Variants in REPS2 observed in about 807,000 individuals in gnomAD.
REPS2 encodes the protein RALBP1 associated Eps domain containing 2, also known as ralBP1-associated Eps domain-containing protein 2.
In REPS2, 23 loss-of-function variants were observed where a neutral mutation model predicts 53.6. The observed-to-expected ratio is 0.43, with a 90% CI of 0.31 to 0.61. REPS2 has a LOEUF of 0.61. REPS2 is among the 20% of genes least tolerant of loss of function. REPS2 has a pLI of 0.11. For missense variants in REPS2, 446 were observed against 534.9 expected, an observed-to-expected ratio of 0.83 and a Z score of 1.64; for synonymous variants, 238 against 218.6, an observed-to-expected ratio of 1.09 and a Z score of -0.78.
chrX:16,992,884 CTCTG>C (rs2061180678), intron 1 of REPS2, among the ~76,000 whole-genome samples: 1 of 112,035 alleles, frequency 8.9e-6, no homozygotes, highest in Non-Finnish European at 1.9e-5. Context: ...TTAACTAGTC[CTCTG>C]TCTGAAGTGA....
chrX:17,091,533 ACT>A (rs1009813365), intron 13 of REPS2, among the ~76,000 whole-genome samples: 7 of 111,554 alleles, frequency 6.3e-5, no homozygotes, highest in African/African-American at 1.6e-4. Context: ...ACTTTTCTAA[ACT>A]CTGTCGTTAA....
chrX:17,067,824 A>G (rs916353592), intron 9 of REPS2, among the ~76,000 whole-genome samples: 1 of 111,931 alleles, frequency 8.9e-6, no homozygotes, highest in African/African-American at 3.3e-5. Context: ...CAGAGTTGCT[A>G]TGCAATTCTG....
At chrX:17,156,422 A>G (rs1474495253), downstream of REPS2, among the ~76,000 whole-genome samples, 1 of 109,374 alleles carries the variant, frequency 9.1e-6, no homozygotes, top group Non-Finnish European at 1.9e-5. Flanking sequence ...ATATATATAT[A>G]TATGTATTTT....
At chrX:17,165,508 T>A in the REPS2 span, among the ~76,000 whole-genome samples, 4 of 111,548 alleles carry the variant, frequency 3.6e-5, no homozygotes, top group Non-Finnish European at 7.5e-5. Flanking sequence ...CAGAATTCTG[T>A]TTTAAGGGCT....
At chrX:17,096,659 CAAAAA>C (rs1181603042) in intron 13 of REPS2, among the ~76,000 whole-genome samples, 275 of 17,321 alleles carry the variant, frequency 0.016, 1 homozygote, top group South Asian at 0.098. Context: ...GACTCCGTCT[CAAAAA>C]AAAAAAAAAA....
intron 16 of REPS2, chrX:17,136,013 C>T (rs1447316255): frequency 3.6e-5 from 4 of 112,319 alleles, no homozygotes; most frequent in Non-Finnish European, 5.6e-5. Context: ...GACAAACTAT[C>T]CTTCTCTGTA....
chrX:16,974,745 A>G (rs1239500799), intron 1 of REPS2, among the ~76,000 whole-genome samples: 1 of 111,377 alleles, frequency 9.0e-6, no homozygotes, highest in African/African-American at 3.3e-5. Flanking sequence ...GTTCAGGGGT[A>G]CATGTGCTGA....
chrX:17,190,820 T>C, the REPS2 span, among the ~76,000 whole-genome samples: 1 of 112,246 alleles, frequency 8.9e-6, no homozygotes, highest in Non-Finnish European at 1.9e-5. Flanking sequence ...CCTACTCAAA[T>C]ACAGTCCATT....
chrX:17,184,692 T>G, the REPS2 span, among the ~76,000 whole-genome samples: 71 of 111,767 alleles, frequency 6.4e-4, no homozygotes, highest in Middle Eastern at 4.6e-3. Flanking sequence ...CAGCACCTGT[T>G]GTTTCCTGAC....
intron 16 of REPS2, chrX:17,137,701 G>A (rs888794466): frequency 4.5e-5 from 5 of 111,659 alleles, no homozygotes; most frequent in African/African-American, 1.6e-4. Context: ...GAATTCCTGG[G>A]CTCAAGTGAT....
At chrX:17,047,558 G>T in intron 6 of REPS2, 76 bp downstream of exon 6, 1 of 1,080,297 alleles carries the variant, frequency 9.3e-7, no homozygotes, top group South Asian at 2.0e-5. Flanking sequence ...CACGCAAAAT[G>T]AGTATGGCAG....
intron 1 of REPS2, among the ~76,000 whole-genome samples, chrX:16,955,212 C>A (rs1341088227): frequency 1.8e-5 from 2 of 110,959 alleles, no homozygotes; most frequent in African/African-American, 6.6e-5. Flanking sequence ...GTATTGATGG[C>A]ATTCTATTAT....
At chrX:17,182,363 C>A in the REPS2 span, among the ~76,000 whole-genome samples, 1 of 111,379 alleles carries the variant, frequency 9.0e-6, no homozygotes, top group African/African-American at 3.3e-5. Flanking sequence ...GAAATTTGAC[C>A]GAATAAGGTT....
intron 1 of REPS2, among the ~76,000 whole-genome samples, chrX:16,967,757 G>A (rs1049510627): frequency 9.1e-6 from 1 of 109,452 alleles, no homozygotes; most frequent in Non-Finnish European, 1.9e-5. Context: ...TCCACTAAAC[G>A]TTTCTCTTGT....
chrX:17,025,117 A>G lies in REPS2; in HGVS notation c.605A>G (p.His202Arg). 8.3e-7 allele frequency: 1 copy of G among 1,211,459 alleles called. No individual in the cohort carries two copies. The highest frequency in any genetic ancestry group is 1.1e-6 in the Non-Finnish European group (1 of 895,403). Reference sequence around the variant, plus strand: ...GCCTCCCCTCCTTCTTCCCCGCCTCATTACCAGAGGGTGCCCTTGAGCCAT... The same window carrying G: ...GCCTCCCCTCCTTCTTCCCCGCCTCGTTACCAGAGGGTGCCCTTGAGCCAT... ...PLASPPSSPP[H>R]YQRVPLSHGY... The change falls in exon 4 of 18, where the codon CAT becomes CGT. Residue 202 changes from histidine (H) to arginine (R), a missense_variant. Physicochemically the swap from His to Arg is conservative, Grantham distance 29. Coordinates refer to ENST00000357277, the MANE Select transcript of REPS2 (RefSeq NM_004726.3).
At chrX:17,190,414 C>T in the REPS2 span, among the ~76,000 whole-genome samples, 3 of 112,156 alleles carry the variant, frequency 2.7e-5, no homozygotes, top group Admixed American at 1.9e-4. Flanking sequence ...AGTCTAACAA[C>T]GTATGTGTAG....
intron 17 of REPS2, among the ~76,000 whole-genome samples, chrX:17,142,509 T>C (rs185948897): frequency 5.9e-4 from 66 of 111,835 alleles, no homozygotes; most frequent in Non-Finnish European, 1.0e-3. Context: ...ATAAGAACTC[T>C]CAAAACCAAA....
At chrX:17,065,627 A>C (rs2062215028) in intron 9 of REPS2, among the ~76,000 whole-genome samples, 1 of 111,480 alleles carries the variant, frequency 9.0e-6, no homozygotes, top group Non-Finnish European at 1.9e-5. Context: ...TCGCTCTGTC[A>C]CCAGGCCAGA....
intron 13 of REPS2, among the ~76,000 whole-genome samples, chrX:17,101,572 G>A (rs747889011): frequency 8.9e-6 from 1 of 112,250 alleles, no homozygotes; most frequent in East Asian, 2.8e-4. Context: ...TTATCTAAAA[G>A]TGTATTCAGA....
Sources: allele counts gnomAD v4.1 joint callset (sites outside exome capture counted in the v4.1 genomes callset), GRCh38; gene constraint gnomAD v4.1.1; transcripts MANE v1.5; gene names NCBI Gene and HGNC (gene_info 2026-07-23, HGNC 2026-07-21).